ADAM18: variants seen among roughly 807,000 people sequenced by gnomAD.
ADAM18 encodes ADAM metallopeptidase domain 18.
In ADAM18, 117 loss-of-function variants were observed where a neutral mutation model predicts 94.4. The ratio of observed to expected loss-of-function variants is 1.24; its 90% confidence interval spans 1.07 to 1.45. ADAM18 has a LOEUF of 1.45. Ranked by LOEUF, ADAM18 falls within the 40% of genes most tolerant of loss-of-function variation. The pLI is 0.00. For synonymous variants in ADAM18, 327 were observed against 291.6 expected, an observed-to-expected ratio of 1.12 and a Z score of -1.24; for missense variants, 936 against 880.0, an observed-to-expected ratio of 1.06 and a Z score of -0.81.
At chr8:39,666,120 C>G (rs1344700666) in intron 13 of ADAM18, among the ~76,000 whole-genome samples, 1 of 152,186 alleles carries the variant, frequency 6.6e-6, no homozygotes, top group Non-Finnish European at 1.5e-5. Flanking sequence ...TAGCTGCAAC[C>G]TCCACCTCCT....
intron 19 of ADAM18, among the ~76,000 whole-genome samples, chr8:39,729,295 A>G (rs1823006270): frequency 6.6e-6 from 1 of 152,210 alleles, no homozygotes; most frequent in Non-Finnish European, 1.5e-5. Context: ...TGTACTTAGT[A>G]CTACTGAACT....
intron 7 of ADAM18, 35 bp downstream of exon 7, chr8:39,629,474 A>C (rs1165690674): frequency 7.3e-7 from 1 of 1,373,100 alleles, no homozygotes; most frequent in Non-Finnish European, 1.0e-6. Flanking sequence ...TCAAGAAGGA[A>C]CTAAGTATGC....
chr8:39,655,095 A>G (rs181447743), intron 12 of ADAM18, among the ~76,000 whole-genome samples: 194 of 152,152 alleles, frequency 1.3e-3, no homozygotes, highest in Admixed American at 3.7e-3. Flanking sequence ...TTGCTTAAAA[A>G]AAAACTTAGC....
At chr8:39,722,213 GTGTGTATATATATATATATATATATA>G (rs1219859637) in intron 18 of ADAM18, among the ~76,000 whole-genome samples, 43 of 73,400 alleles carry the variant, frequency 5.9e-4, no homozygotes, top group African/African-American at 3.0e-3. Flanking sequence ...GTGTGTGTGT[GTGTGTATATATATATATATATATATA>G]TATATATATA....
At chr8:39,703,189 C>G (rs754689628) in intron 17 of ADAM18, among the ~76,000 whole-genome samples, 1 of 152,034 alleles carries the variant, frequency 6.6e-6, no homozygotes, top group Non-Finnish European at 1.5e-5. Context: ...TTGTAGAGAC[C>G]TTTCACCTGC....
At chr8:39,676,422 C>T (rs1821303406) in intron 14 of ADAM18, among the ~76,000 whole-genome samples, 1 of 152,218 alleles carries the variant, frequency 6.6e-6, no homozygotes, top group Non-Finnish European at 1.5e-5. Flanking sequence ...TAGCAGTGAG[C>T]AAGGCTCTGT....
chr8:39,648,276 TG>T, intron 11 of ADAM18, 67 bp from the exon 12 acceptor site: 1 of 1,281,272 alleles, frequency 7.8e-7, no homozygotes, highest in Non-Finnish European at 1.1e-6. Context: ...TGATTATGTA[TG>T]GAGTGTTGTT....
At position 39,729,332 on chromosome 8, in the gene ADAM18, A is replaced by G. The variant is rs545415525; in HGVS notation, c.2178-566A>G. Among the ~76,000 whole-genome samples, 6 of 152,310 alleles carry G rather than the reference A, an allele frequency of 3.9e-5. No homozygotes were observed. The South Asian group carries it at 8.3e-4, about 21-fold the overall frequency. On this transcript the variant is annotated intron_variant, in intron 19 of 19. Coordinates refer to ENST00000265707, the MANE Select transcript of ADAM18 (RefSeq NM_014237.3). ...TACACTAAAAATGGTTAGAATGTGTATTTTACTACACAAAGTATTTTTATA... is the reference window on the plus strand; with the variant it reads ...TACACTAAAAATGGTTAGAATGTGTGTTTTACTACACAAAGTATTTTTATA...
chr8:39,671,992 G>GT (rs1371122351), intron 14 of ADAM18, among the ~76,000 whole-genome samples: 6 of 152,056 alleles, frequency 3.9e-5, no homozygotes, highest in African/African-American at 1.4e-4. Context: ...CTCTCCTAAA[G>GT]TACAGCATTT....
chr8:39,586,502 T>C (rs1212979154), intron 2 of ADAM18, among the ~76,000 whole-genome samples: 1 of 152,142 alleles, frequency 6.6e-6, no homozygotes, highest in South Asian at 2.1e-4. Context: ...GATCCCAAGG[T>C]TGGAGGATCG....
intron 16 of ADAM18, among the ~76,000 whole-genome samples, chr8:39,688,600 A>G (rs1163009282): frequency 3.3e-5 from 5 of 152,190 alleles, no homozygotes; most frequent in African/African-American, 9.7e-5. Context: ...TCCATAGTGT[A>G]TATGTAGCAC....
At chr8:39,716,793 A>T (rs538328287) in intron 18 of ADAM18, among the ~76,000 whole-genome samples, 10 of 151,960 alleles carry the variant, frequency 6.6e-5, no homozygotes, top group African/African-American at 2.4e-4. Flanking sequence ...TGAACATGTG[A>T]CATTGAAGTC....
chr8:39,718,763 A>AAT (rs386412593), intron 18 of ADAM18, among the ~76,000 whole-genome samples: 4 of 151,638 alleles, frequency 2.6e-5, no homozygotes, highest in Non-Finnish European at 5.9e-5. Flanking sequence ...CAGAAAATAA[A>AAT]ATACTTGCAA....
intron 18 of ADAM18, among the ~76,000 whole-genome samples, chr8:39,708,516 G>C (rs1822303212): frequency 6.6e-6 from 1 of 152,190 alleles, no homozygotes; most frequent in East Asian, 1.9e-4. Context: ...TTTAAGAAAG[G>C]ATAGTAAAAT....
chr8:39,634,400 G>A (rs1820020412), intron 7 of ADAM18, among the ~76,000 whole-genome samples: 1 of 152,146 alleles, frequency 6.6e-6, no homozygotes. Flanking sequence ...GAGCCACCAG[G>A]AAGGAACACC....
At chr8:39,598,762 C>T (rs144369793) in intron 2 of ADAM18, among the ~76,000 whole-genome samples, 4,595 of 134,720 alleles carry the variant, frequency 0.034, 276 homozygotes, top group African/African-American at 0.11. Context: ...AGCAAGACTC[C>T]GTCTCAAAAA....
rs377435381 is a variant in ADAM18, at chr8:39,655,968, T to C, written c.1230+7441T>C. Among the ~76,000 whole-genome samples the C allele has an allele frequency of 3.3e-5, 5 of 151,848 alleles. No homozygotes were observed. In the East Asian group the frequency reaches 7.7e-4, roughly 23 times the overall value. ...AAACTGCAAATCATTAGGAGAAAAA[T>C]TATGGGACTACTTAATCAATGCAAG... is the stretch of plus-strand genomic sequence containing the variant. On this transcript the variant is annotated intron_variant, in intron 12 of 19. Transcript: ENST00000265707.
chr8:39,604,161 T>C (rs1818993154), intron 2 of ADAM18, among the ~76,000 whole-genome samples: 1 of 152,220 alleles, frequency 6.6e-6, no homozygotes, highest in Non-Finnish European at 1.5e-5. Flanking sequence ...TCATTTGATG[T>C]ATCATCTTTG....
At chr8:39,586,298 T>C (rs1818389901) in intron 2 of ADAM18, among the ~76,000 whole-genome samples, 1 of 152,334 alleles carries the variant, frequency 6.6e-6, no homozygotes, top group East Asian at 1.9e-4. Flanking sequence ...CCTTCTGAAA[T>C]AGGATTATTT....
Sources: allele counts gnomAD v4.1 joint callset (sites outside exome capture counted in the v4.1 genomes callset), GRCh38; gene constraint gnomAD v4.1.1; transcripts MANE v1.5; gene names NCBI Gene and HGNC (gene_info 2026-07-23, HGNC 2026-07-21).